Variants in CTNNBL1 observed in about 807,000 individuals in gnomAD.
The protein encoded by CTNNBL1 is catenin beta like 1, also known as beta-catenin-like protein 1.
CTNNBL1 carries 31 observed loss-of-function variants against 72.7 expected under a neutral mutation model. The observed-to-expected ratio is 0.43, with a 90% confidence interval of 0.32 to 0.58. The LOEUF (loss-of-function observed/expected upper bound fraction) is 0.58, where lower values mean the gene tolerates loss of function less well. Ranked by LOEUF, CTNNBL1 falls within the 20% of genes least tolerant of loss-of-function variation. CTNNBL1 has a pLI of 0.08. For synonymous variants in CTNNBL1, 240 were observed against 267.3 expected (o/e 0.90, Z 1.00); for missense variants, 534 against 725.1 (o/e 0.74, Z 3.03).
intron 13 of CTNNBL1, among the ~76,000 whole-genome samples, chr20:37,843,213 T>C (rs373683372): frequency 1.6e-4 from 25 of 152,366 alleles, no homozygotes; most frequent in African/African-American, 5.3e-4. Context: ...AAATGACGCC[T>C]GGCTTACTTT....
chr20:37,795,598 A>G (rs1166468482), intron 10 of CTNNBL1, among the ~76,000 whole-genome samples: 1 of 152,144 alleles, frequency 6.6e-6, no homozygotes, highest in Admixed American at 6.5e-5. Flanking sequence ...CCTCAAGCTC[A>G]GTCTTTCGTT....
chr20:37,855,623 G>T (rs573923479), intron 13 of CTNNBL1, among the ~76,000 whole-genome samples: 2 of 152,100 alleles, frequency 1.3e-5, no homozygotes, highest in Non-Finnish European at 2.9e-5. Flanking sequence ...GTAGGCTGAT[G>T]CCCTGGTCTT....
chr20:37,699,274 T>A (rs2072819666), intron 1 of CTNNBL1, among the ~76,000 whole-genome samples: 1 of 152,198 alleles, frequency 6.6e-6, no homozygotes. Context: ...ACCCGGGTAG[T>A]CTTACTTCAT....
intron 13 of CTNNBL1, chr20:37,847,815 G>A (rs748042426): frequency 5.2e-5 from 8 of 152,686 alleles, no homozygotes; most frequent in Non-Finnish European, 1.0e-4. Context: ...CTTACAAATT[G>A]CATGCTAATT....
chr20:37,858,859 T>A (rs1035381005), intron 13 of CTNNBL1, among the ~76,000 whole-genome samples: 1 of 152,024 alleles, frequency 6.6e-6, no homozygotes, highest in African/African-American at 2.4e-5. Context: ...GTGTTGGACG[T>A]GTGAAATGCA....
At chr20:37,871,750 G>A (rs1228836086) in intron 15 of CTNNBL1, among the ~76,000 whole-genome samples, 175 bp from the exon 16 acceptor site, 1 of 152,090 alleles carries the variant, frequency 6.6e-6, no homozygotes, top group East Asian at 1.9e-4. Context: ...AGGTAAGTTG[G>A]GACCTTTCCA....
intron 5 of CTNNBL1, among the ~76,000 whole-genome samples, chr20:37,761,028 A>G (rs2073413128): frequency 6.6e-6 from 1 of 152,106 alleles, no homozygotes; most frequent in East Asian, 1.9e-4. Context: ...TGATAATACA[A>G]GGCAGAACAT....
chr20:37,698,248 A>G (rs963344189), intron 1 of CTNNBL1, among the ~76,000 whole-genome samples: 1 of 152,226 alleles, frequency 6.6e-6, no homozygotes, highest in African/African-American at 2.4e-5. Context: ...TAAGTCTGCT[A>G]CTGGAGAGCA....
intron 1 of CTNNBL1, among the ~76,000 whole-genome samples, chr20:37,713,470 C>A (rs1003231360): frequency 2.0e-5 from 3 of 152,150 alleles, no homozygotes; most frequent in Admixed American, 6.5e-5. Flanking sequence ...ATTAAAAAAG[C>A]AATTTTTAGC....
intron 7 of CTNNBL1, among the ~76,000 whole-genome samples, chr20:37,776,708 A>G (rs2073576851): frequency 6.6e-6 from 1 of 152,230 alleles, no homozygotes; most frequent in Non-Finnish European, 1.5e-5. Flanking sequence ...CCCAAATAGC[A>G]GAGCATGCAG....
intron 11 of CTNNBL1, among the ~76,000 whole-genome samples, chr20:37,838,594 T>A (rs974501715): frequency 3.3e-5 from 5 of 152,120 alleles, no homozygotes; most frequent in Non-Finnish European, 7.4e-5. Flanking sequence ...GGACGTTAAG[T>A]TTAAAAGAAC....
At chr20:37,701,263 A>G (rs145332656) in intron 1 of CTNNBL1, among the ~76,000 whole-genome samples, 8 of 152,290 alleles carry the variant, frequency 5.3e-5, no homozygotes, top group African/African-American at 1.9e-4. Flanking sequence ...TTGTTCTTCT[A>G]CAATTGGATG....
chr20:37,735,073 A>G (rs1465894105), intron 2 of CTNNBL1, among the ~76,000 whole-genome samples: 7 of 152,262 alleles, frequency 4.6e-5, no homozygotes, highest in Admixed American at 4.6e-4. Context: ...TATGTTGGGT[A>G]CATTGTGCCT....
intron 11 of CTNNBL1, among the ~76,000 whole-genome samples, chr20:37,807,736 C>G (rs1201863596): frequency 1.3e-5 from 2 of 152,102 alleles, no homozygotes; most frequent in Non-Finnish European, 2.9e-5. Flanking sequence ...ATAAAACCTT[C>G]AGAAATAGAT....
chr20:37,863,126 A>G (rs1250077765), intron 15 of CTNNBL1, among the ~76,000 whole-genome samples: 2 of 152,196 alleles, frequency 1.3e-5, no homozygotes, highest in Admixed American at 1.3e-4. Flanking sequence ...AACGTAGCAA[A>G]CATTGACTGT....
At chr20:37,707,731 T>A (rs1239305786) in intron 1 of CTNNBL1, among the ~76,000 whole-genome samples, 4 of 152,266 alleles carry the variant, frequency 2.6e-5, no homozygotes, top group African/African-American at 9.6e-5. Flanking sequence ...CGCTTTTCTG[T>A]CTGGTATAAC....
chr20:37,771,328 T>C, intron 7 of CTNNBL1, among the ~76,000 whole-genome samples: 1 of 152,230 alleles, frequency 6.6e-6, no homozygotes, highest in Non-Finnish European at 1.5e-5. Context: ...GTGATTCTAA[T>C]GTACAACTCT....
chr20:37,764,814 G>A (rs554175284), intron 5 of CTNNBL1, among the ~76,000 whole-genome samples: 15 of 152,242 alleles, frequency 9.9e-5, no homozygotes, highest in Middle Eastern at 3.4e-3. Flanking sequence ...TGAATGAACC[G>A]TTGACCTGAC....
chr20:37,848,567 C>T (rs998193418), intron 13 of CTNNBL1, among the ~76,000 whole-genome samples: 4 of 152,146 alleles, frequency 2.6e-5, no homozygotes, highest in Non-Finnish European at 4.4e-5. Flanking sequence ...CAGAGGACGT[C>T]GTGCTTTTAC....
Sources: allele counts gnomAD v4.1 joint callset (sites outside exome capture counted in the v4.1 genomes callset), GRCh38; gene constraint gnomAD v4.1.1; transcripts MANE v1.5; gene names NCBI Gene and HGNC (gene_info 2026-07-23, HGNC 2026-07-21).